Variants in ARL2BP observed in about 807,000 individuals in gnomAD.
ARL2BP encodes the protein ADP-ribosylation factor-like protein 2-binding protein.
Under a neutral mutation model 24.2 loss-of-function variants are expected in ARL2BP, and 19 were observed. The ratio of observed to expected loss-of-function variants is 0.79; its 90% CI spans 0.55 to 1.15. The LOEUF (loss-of-function observed/expected upper bound fraction) is 1.15. Ranked by LOEUF, ARL2BP falls within the 50% of genes most tolerant of loss-of-function variation. The pLI is 0.00. For missense variants in ARL2BP, 160 were observed against 190.4 expected (o/e 0.84, Z 0.94); for synonymous variants, 56 against 70.5 (o/e 0.79, Z 1.03).
rs1447264594 is a variant in ARL2BP at position 57,252,806 on chromosome 16, G to GAA, written c.*540_*541dup. On this transcript the variant is annotated 3_prime_UTR_variant, in exon 6 of 6. Coordinates refer to ENST00000219204, the MANE Select transcript of ARL2BP (RefSeq NM_012106.4). ...CTTGTCTCGGCTGTAGGAATCAACA[G>GAA]AAGGAGACGTCCTCTACATAAAAGC... 3.1e-5 allele frequency: 5 copies of GAA among 159,548 alleles called. No individual in the cohort carries two copies. Among genetic ancestry groups the GAA allele is most frequent in the African/African-American group, 1.2e-4 (5 of 41,486 alleles). The allele number at this position is 159,548 out of a possible 1,614,324, so 9.9% of individuals were successfully genotyped here.
chr16:57,245,751 C>T (rs554163192), intron 1 of ARL2BP: 1 of 501,724 alleles, frequency 2.0e-6, no homozygotes, highest in Admixed American at 3.6e-5. Context: ...GGACTCCTGA[C>T]CAAATGACCC....
At chr16:57,249,715 A>G in intron 3 of ARL2BP, 52 bp from the exon 4 acceptor site, 1 of 1,431,180 alleles carries the variant, frequency 7.0e-7, no homozygotes, top group Non-Finnish European at 9.9e-7. Flanking sequence ...TCTGAAAAGA[A>G]GTCTTGTTTT....
At chr16:57,251,926 C>T (rs1308389436) in intron 5 of ARL2BP, 5 of 447,802 alleles carry the variant, frequency 1.1e-5, no homozygotes, top group Non-Finnish European at 2.0e-5. Context: ...GATCAAGCCA[C>T]TATACTCCAG....
In ARL2BP at chr16:57,253,248, T is replaced by C. The variant is rs913654106; in HGVS notation, c.*981T>C. 1.3e-5 allele frequency: 2 copies of C among 152,362 alleles called. No homozygotes were observed. The highest frequency in any genetic ancestry group is 1.9e-4 in the East Asian group (1 of 5,198). The allele number at this position is 152,362 out of a possible 1,614,324, so 9.4% of individuals were successfully genotyped here. ...AGTTTGTAAGGTTCTCTGGGTTAGG[T>C]AGGGACTCTGCAGTTTCTTCCTGTC... On this transcript the variant is annotated 3_prime_UTR_variant, in exon 6 of 6. Transcript: ENST00000219204.
intron 3 of ARL2BP, 73 bp from the exon 4 acceptor site, chr16:57,249,694 T>C (rs1467474706): frequency 8.3e-7 from 1 of 1,208,952 alleles, no homozygotes; most frequent in East Asian, 2.3e-5. Context: ...TAGAAAGGGC[T>C]GGGCAGGCTT....
intron 4 of ARL2BP, 45 bp downstream of exon 4, chr16:57,249,897 A>G (rs1420924527): frequency 4.5e-6 from 7 of 1,569,632 alleles, no homozygotes; most frequent in Non-Finnish European, 6.1e-6. Context: ...TTGTTTTCTC[A>G]CTTTCTTCCT....
At chr16:57,250,589 C>T (rs568902223) in intron 5 of ARL2BP, 82 bp downstream of exon 5, 24 of 1,070,462 alleles carry the variant, frequency 2.2e-5, no homozygotes, top group African/African-American at 1.7e-4. Flanking sequence ...GAACCTCCCA[C>T]GCTTCCCCCA....
At position 57,253,057 on chromosome 16, in the gene ARL2BP, G is replaced by GTGTT. The variant is rs1258137016; in HGVS notation, c.*795_*798dup. ...GTATTATATGCTGTGTGCTTTTTAG[G>GTGTT]TGTTTGTTAGTACTGTGAAGGCAAA... On this transcript the variant is annotated 3_prime_UTR_variant, in exon 6 of 6. Coordinates refer to ENST00000219204, the MANE Select transcript of ARL2BP (RefSeq NM_012106.4). 1 of 152,602 alleles carries GTGTT rather than the reference G, an allele frequency of 6.6e-6. No individual in the cohort carries two copies. Among genetic ancestry groups the GTGTT allele is most frequent in the African/African-American group, 2.4e-5 (1 of 41,432 alleles). 9.5% of individuals were successfully genotyped at this position (152,602 alleles called of 1,614,324 possible). A position where few individuals can be genotyped will look rare whatever the true frequency, so the allele number is the denominator to read the frequency against.
intron 2 of ARL2BP, chr16:57,247,535 A>T: frequency 6.6e-6 from 1 of 152,044 alleles, no homozygotes; most frequent in African/African-American, 2.4e-5. Context: ...AAAAAAAAAA[A>T]TTCCCTATTC....
chr16:57,249,764 C>G lies in ARL2BP; in HGVS notation c.208-3C>G. On this transcript the variant is annotated splice_polypyrimidine_tract_variant and splice_region_variant and intron_variant, in intron 3 of 5. Coordinates refer to ENST00000219204, the MANE Select transcript of ARL2BP (RefSeq NM_012106.4). ...CTCACCAAAATCCTTTCCACTGTTG[C>G]AGATTTCTTTGGTAGAAAAATACAT... is the stretch of plus-strand genomic sequence containing the variant. 3.1e-6 allele frequency: 5 copies of G among 1,613,478 alleles called. No homozygotes were observed. The highest frequency in any genetic ancestry group is 4.2e-6 in the Non-Finnish European group (5 of 1,179,378).
intron 3 of ARL2BP, chr16:57,249,115 CCTTT>C (rs2075399762): frequency 6.6e-6 from 1 of 152,604 alleles, no homozygotes; most frequent in Non-Finnish European, 1.5e-5. Context: ...TTTTGACAAA[CCTTT>C]CTGCTTTCAC....
In ARL2BP at chr16:57,252,815, G is replaced by A. The variant is rs962037514; in HGVS notation, c.*548G>A. On this transcript the variant is annotated 3_prime_UTR_variant, in exon 6 of 6. Coordinates refer to ENST00000219204, the MANE Select transcript of ARL2BP (RefSeq NM_012106.4). ...GCTGTAGGAATCAACAGAAGGAGAC[G>A]TCCTCTACATAAAAGCTCCATGTGA... The A allele has an allele frequency of 6.3e-6, 1 of 158,256 alleles. No individual in the cohort carries two copies. Among genetic ancestry groups the A allele is most frequent in the Admixed American group, 6.0e-5 (1 of 16,794 alleles). The allele number at this position is 158,256 out of a possible 1,614,324, so 9.8% of individuals were successfully genotyped here.
chr16:57,249,842 A>G lies in ARL2BP; in HGVS notation c.283A>G (p.Thr95Ala). The G allele has an allele frequency of 6.2e-7, 1 of 1,614,014 alleles. No individual in the cohort carries two copies. The highest frequency in any genetic ancestry group is 1.1e-5 in the South Asian group (1 of 91,076). The change falls in exon 4 of 6, where the codon ACA becomes GCA. Residue 95 changes from threonine (T) to alanine (A), a missense_variant. Transcript: ENST00000219204. ...IPEFNMAAFT[T>A]TLQHHKDEVA... ...TGAGTTCAACATGGCAGCCTTCACC[A>G]CAACATTACAGTGAGTTGAGCTTGA...
intron 4 of ARL2BP, 79 bp downstream of exon 4, chr16:57,249,931 T>C: frequency 4.5e-6 from 6 of 1,345,506 alleles, no homozygotes; most frequent in Non-Finnish European, 6.4e-6. Flanking sequence ...CAAAAGACGC[T>C]CCTTGTTTGT....
Position 57,248,658 on chromosome 16 carries a change from A to G in ARL2BP, c.207+15A>G, listed in dbSNP as rs764567016. ...TTAATGAATACGTAAGTAGATTTCT[A>G]TGTCTCCTACCAGGAGGTCAGAGTT... On this transcript the variant is annotated intron_variant, in intron 3 of 5. Coordinates refer to ENST00000219204, the MANE Select transcript of ARL2BP (RefSeq NM_012106.4). 6.9e-6 allele frequency: 10 copies of G among 1,451,374 alleles called. No individual in the cohort carries two copies. Among genetic ancestry groups the G allele is most frequent in the Middle Eastern group, 1.8e-4 (1 of 5,708 alleles). 89.9% of individuals were successfully genotyped at this position (1,451,374 alleles called of 1,614,324 possible).
intron 5 of ARL2BP, chr16:57,251,703 C>A: frequency 6.4e-6 from 1 of 156,208 alleles, no homozygotes; most frequent in South Asian, 1.9e-4. Flanking sequence ...CTCATACTTA[C>A]AATTCCAGCG....
At chr16:57,248,491 T>C (rs2075397528) in intron 2 of ARL2BP, 46 bp from the exon 3 acceptor site, 2 of 1,151,702 alleles carry the variant, frequency 1.7e-6, no homozygotes, top group African/African-American at 1.5e-5. Flanking sequence ...TCATAATGGT[T>C]GGTAATCTCC....
Position 57,245,289 on chromosome 16 carries a change from C to A in ARL2BP, c.-79C>A, listed in dbSNP as rs2075386206. 2 of 1,537,276 alleles carry A rather than the reference C, an allele frequency of 1.3e-6. No homozygotes were observed. Among genetic ancestry groups the A allele is most frequent in the African/African-American group, 1.4e-5 (1 of 73,370 alleles). On this transcript the variant is annotated 5_prime_UTR_variant, in exon 1 of 6. Transcript: ENST00000219204. ...GCTGGCCGCGGCCTTGGCTGAGAGGCCTTAACCCCGCCGGGCGGCCGCGCC... is the reference window on the plus strand; with the variant it reads ...GCTGGCCGCGGCCTTGGCTGAGAGGACTTAACCCCGCCGGGCGGCCGCGCC...
rs148438260 is a variant in ARL2BP at position 57,246,099 on chromosome 16, G to C, written c.58G>C (p.Glu20Gln). 4 of 1,614,038 alleles carry C rather than the reference G, an allele frequency of 2.5e-6. No individual in the cohort carries two copies. In the African/African-American group the frequency reaches 5.3e-5, roughly 22 times the overall value. ...ALSFSSASDA[E>Q]FDAVVGYLED... is the part of the protein sequence containing the mutation. The stretch of plus-strand genomic sequence containing the variant: ...TTTCAGCTCCTCCGCCTCTGATGCA[G>C]AATTTGATGCTGTGGTTGGATATTT... Residue 20 changes from glutamate to glutamine, a missense_variant, in exon 2 of 6, where the codon GAA (glutamate) becomes CAA (glutamine). By Grantham distance (29) the Glu-to-Gln change is conservative (BLOSUM62 2). Coordinates refer to ENST00000219204, the MANE Select transcript of ARL2BP (RefSeq NM_012106.4).
Sources: gnomAD v4.1 joint callset for allele counts on GRCh38, gnomAD v4.1.1 for gene constraint, MANE v1.5 for transcripts, NCBI Gene and HGNC (gene_info 2026-07-23, HGNC 2026-07-21) for gene names.